C2CD3: variants seen among roughly 807,000 people sequenced by gnomAD.
The protein encoded by C2CD3 is C2 domain-containing protein 3.
In C2CD3, 148 loss-of-function variants were observed where a neutral mutation model predicts 234.0. The ratio of observed to expected loss-of-function variants is 0.63; its 90% confidence interval spans 0.55 to 0.72. C2CD3 has a LOEUF of 0.72. Ranked by LOEUF, C2CD3 falls within the 30% of genes least tolerant of loss-of-function variation. The pLI is 0.00. For synonymous variants in C2CD3, 1,000 were observed against 1,035.4 expected, an observed-to-expected ratio of 0.97 and a Z score of 0.66; for missense variants, 2,577 against 2,811.5, an observed-to-expected ratio of 0.92 and a Z score of 1.89.
In C2CD3 at chr11:74,092,520, G is replaced by GCA. The variant is rs1294631149; in HGVS notation, c.3411_3412dup (p.Ala1138ValfsTer4). On this transcript the variant is annotated frameshift_variant, in exon 19 of 33. Transcript: ENST00000334126. LOFTEE classifies it high-confidence loss of function. Reference sequence around the variant, plus strand: ...CTCACGATGCTGGGTGGTTACCATAGCACAGATCCTTGATAATGGCAAGGT... The same window carrying GCA: ...CTCACGATGCTGGGTGGTTACCATAGCACACAGATCCTTGATAATGGCAAGGT... 1 of 1,613,898 alleles carries GCA rather than the reference G, an allele frequency of 6.2e-7. No individual in the cohort carries two copies.
chr11:74,042,752 TA>T (rs35623397), intron 28 of C2CD3, among the ~76,000 whole-genome samples: 21,908 of 139,736 alleles, frequency 0.16, 4,427 homozygotes, highest in African/African-American at 0.48. Context: ...GACTCTGTCT[TA>T]AAAAAAAAAA....
chr11:74,034,025 T>C lies in C2CD3; in HGVS notation c.6135A>G (p.Thr2045=). The C allele has an allele frequency of 6.5e-7, 1 of 1,536,532 alleles. No homozygotes were observed. Among genetic ancestry groups the C allele is most frequent in the Non-Finnish European group, 8.7e-7 (1 of 1,146,988 alleles). The change falls in exon 31 of 33, where the codon ACA becomes ACG. Residue 2045 remains threonine, a synonymous_variant. Transcript: ENST00000334126. Reference sequence around the variant, plus strand: ...CAGTGTCTTCACTGCTCTGCATCCTTGTAATGGGTACTGCATGCCTCAGGG... The same window carrying C: ...CAGTGTCTTCACTGCTCTGCATCCTCGTAATGGGTACTGCATGCCTCAGGG... ...HESLRHAVPI[T]RMQSSEDTEA...
At chr11:74,084,570 G>A (rs1261093336) in intron 22 of C2CD3, among the ~76,000 whole-genome samples, 3 of 152,050 alleles carry the variant, frequency 2.0e-5, no homozygotes, top group Non-Finnish European at 4.4e-5. Flanking sequence ...GCCACCATGC[G>A]TGGTCTGTGT....
intron 32 of C2CD3, 78 bp downstream of exon 32, chr11:74,028,209 C>A (rs1342814747): frequency 1.3e-5 from 13 of 1,016,152 alleles, no homozygotes; most frequent in African/African-American, 3.2e-5. Flanking sequence ...TGACCTGGGG[C>A]AGCTCTGCAT....
Position 74,084,880 on chromosome 11 carries a change from C to T in C2CD3, c.4000+1G>A. The T allele has an allele frequency of 1.9e-6, 3 of 1,586,894 alleles. No individual in the cohort carries two copies. The highest frequency in any genetic ancestry group is 2.6e-6 in the Non-Finnish European group (3 of 1,155,370). On this transcript the variant is annotated splice_donor_variant, in intron 22 of 32. Transcript: ENST00000334126. LOFTEE classifies it high-confidence loss of function. ...AGAAAGTGATAATCCAGGATCCTTA[C>T]CAGATCTCTTGATCAGCAGCTCTTT...
Position 74,073,605 on chromosome 11 carries a change from A to G in C2CD3, c.4951+648T>C, listed in dbSNP as rs545691198. ...TTGTTTCAAAAAAAAAAAAAAAAAA[A>G]TCAAAACAAACAAAAAAACCCCCCT... On this transcript the variant is annotated intron_variant, in intron 24 of 32. Transcript: ENST00000334126. Among the ~76,000 whole-genome samples, 46 of 143,042 alleles carry G rather than the reference A, an allele frequency of 3.2e-4. No individual in the cohort carries two copies. The East Asian group carries it at 9.3e-3, about 29-fold the overall frequency. 93.8% of individuals were successfully genotyped at this position (143,042 alleles called of 152,430 possible).
intron 24 of C2CD3, among the ~76,000 whole-genome samples, chr11:74,071,875 CA>C (rs765601914): frequency 5.3e-5 from 8 of 151,976 alleles, no homozygotes; most frequent in Non-Finnish European, 1.0e-4. Flanking sequence ...AAAATTTTGC[CA>C]AGTGATATTA....
intron 8 of C2CD3, among the ~76,000 whole-genome samples, chr11:74,122,404 A>G (rs1235532034): frequency 6.6e-6 from 1 of 152,202 alleles, no homozygotes; most frequent in Non-Finnish European, 1.5e-5. Flanking sequence ...ACCTGGAGAA[A>G]AGGAAAATCA....
intron 24 of C2CD3, among the ~76,000 whole-genome samples, chr11:74,059,410 C>CAAAA (rs57052333): frequency 0.02 from 520 of 26,434 alleles, 2 homozygotes; most frequent in Middle Eastern, 0.052. Context: ...GACTCTGTCT[C>CAAAA]AAAAAAAAAA....
At chr11:74,158,966 A>G (rs1018673165) in intron 3 of C2CD3, among the ~76,000 whole-genome samples, 1 of 152,212 alleles carries the variant, frequency 6.6e-6, no homozygotes. Flanking sequence ...AATTAAAAGT[A>G]GAACTACCAT....
intron 7 of C2CD3, among the ~76,000 whole-genome samples, chr11:74,126,521 A>G (rs181510141): frequency 1.4e-4 from 22 of 152,192 alleles, no homozygotes; most frequent in East Asian, 3.9e-4. Context: ...GGCCGGCGGA[A>G]GACTTGAGGT....
intron 9 of C2CD3, among the ~76,000 whole-genome samples, chr11:74,116,836 A>G (rs890793209): frequency 7.7e-5 from 11 of 143,764 alleles, no homozygotes; most frequent in African/African-American, 1.8e-4. Flanking sequence ...ACGTGTGTGT[A>G]TATATACACG....
At position 74,113,852 on chromosome 11, in the gene C2CD3, C is replaced by T. The variant is rs1185550684; in HGVS notation, c.1771G>A (p.Glu591Lys). 4 of 1,606,822 alleles carry T rather than the reference C, an allele frequency of 2.5e-6. No individual in the cohort carries two copies. In the Admixed American group the frequency reaches 5.1e-5, roughly 21 times the overall value. Residue 591 changes from glutamate to lysine, a missense_variant, in exon 11 of 33, where the codon GAA becomes AAA. Coordinates refer to ENST00000334126, the MANE Select transcript of C2CD3 (RefSeq NM_001286577.2). ...AAAGCTGTCTTTCCCAATCCGCTTT[C>T]CGAAAAGCCCACAGGAAAGTGATAT... is the stretch of plus-strand genomic sequence containing the variant. ...VEYHFPVGFS[E>K]SGLGKTALIT...
chr11:74,075,284 C>T (rs1394900081), intron 23 of C2CD3, among the ~76,000 whole-genome samples: 1 of 149,936 alleles, frequency 6.7e-6, no homozygotes, highest in African/African-American at 2.5e-5. Context: ...CTCATGGGCT[C>T]CTGTTTTTCG....
At chr11:74,047,127 C>T (rs1428436176) in intron 28 of C2CD3, among the ~76,000 whole-genome samples, 1 of 152,168 alleles carries the variant, frequency 6.6e-6, no homozygotes, top group Non-Finnish European at 1.5e-5. Context: ...TCTGTCTGAC[C>T]TCACAGCCCA....
At position 74,156,941 on chromosome 11, in the gene C2CD3, A is replaced by C. The variant is rs184644338; in HGVS notation, c.483+4458T>G. 4.6e-4 allele frequency among the ~76,000 whole-genome samples: 70 copies of C among 152,380 alleles called. No individual in the cohort carries two copies. The East Asian group carries it at 0.013, about 28-fold the overall frequency. ...AGCAGAGATAGTGCCAGTGCACTAC[A>C]GCTTGGGTGACAGGGCAAGACTCTG... On this transcript the variant is annotated intron_variant, in intron 3 of 32. Transcript: ENST00000334126.
intron 29 of C2CD3, among the ~76,000 whole-genome samples, chr11:74,038,747 C>T (rs1007572093): frequency 2.0e-5 from 3 of 152,232 alleles, no homozygotes; most frequent in African/African-American, 7.2e-5. Flanking sequence ...GTCCCTTAAA[C>T]ACCTTCACAC....
At chr11:74,121,802 C>T (rs1376654602) in intron 8 of C2CD3, among the ~76,000 whole-genome samples, 1 of 151,968 alleles carries the variant, frequency 6.6e-6, no homozygotes, top group East Asian at 1.9e-4. Flanking sequence ...CCTCTTTATC[C>T]TATAGGGAAC....
At chr11:74,017,929 C>T (rs1158295022) in intron 32 of C2CD3, among the ~76,000 whole-genome samples, 1 of 152,176 alleles carries the variant, frequency 6.6e-6, no homozygotes, top group East Asian at 1.9e-4. Context: ...TTGGTGGGTA[C>T]AGGTGCCCCC....
Sources: allele counts gnomAD v4.1 joint callset (sites outside exome capture counted in the v4.1 genomes callset), GRCh38; gene constraint gnomAD v4.1.1; transcripts MANE v1.5; gene names NCBI Gene and HGNC (gene_info 2026-07-23, HGNC 2026-07-21).